GRWD1: variants seen among roughly 807,000 people sequenced by gnomAD.
The protein encoded by GRWD1 is glutamate-rich WD repeat-containing protein 1.
A neutral mutation model predicts 45.3 loss-of-function variants in GRWD1; 29 were observed. That is an observed-to-expected ratio of 0.64 (90% CI 0.48 to 0.87). The LOEUF (loss-of-function observed/expected upper bound fraction) is 0.87. Ranked by LOEUF, GRWD1 falls within the 40% of genes least tolerant of loss-of-function variation. GRWD1 has a pLI of 0.00. For synonymous variants in GRWD1, 262 were observed against 257.6 expected (o/e 1.02, Z -0.16); for missense variants, 592 against 618.8 (o/e 0.96, Z 0.46).
chr19:48,446,394 G>A lies in GRWD1; in HGVS notation c.197G>A (p.Cys66Tyr). 1.2e-6 allele frequency: 2 copies of A among 1,614,110 alleles called. No homozygotes were observed. The highest frequency in any genetic ancestry group is 1.7e-6 in the Non-Finnish European group (2 of 1,179,978). ...LYHRAQTGAP[C>Y]LSFDIVRDHL... ...CGCCTTCCATCCCCAGGCGCCCCCT[G>A]TCTCAGCTTTGACATAGTCCGGGAT... Residue 66 changes from cysteine (C) to tyrosine (Y), a missense_variant, in exon 2 of 7, where the codon TGT (cysteine) becomes TAT (tyrosine). Physicochemically the swap from Cys to Tyr is radical, Grantham distance 194. Transcript: ENST00000253237.
Position 48,446,062 on chromosome 19 carries a change from C to A in GRWD1, c.57C>A (p.Ala19=). 1 of 1,596,928 alleles carries A rather than the reference C, an allele frequency of 6.3e-7. No homozygotes were observed. Among genetic ancestry groups the A allele is most frequent in the South Asian group, 1.1e-5 (1 of 88,308 alleles). The change falls in exon 1 of 7, where the codon GCC becomes GCA. Residue 19 remains alanine (A), a synonymous_variant. Coordinates refer to ENST00000253237, the MANE Select transcript of GRWD1 (RefSeq NM_031485.4). ...GTGAAACCGGGGAACCCATGGAAGC[C>A]GAGTCCGGCGACACAAGTTCCGAGG... ...RTCETGEPME[A]ESGDTSSEGP...
At position 48,453,351 on chromosome 19, in the gene GRWD1, T is replaced by G. The variant is rs949218405; in HGVS notation, c.*326T>G. 1.6e-5 allele frequency: 4 copies of G among 242,500 alleles called. No homozygotes were observed. Among genetic ancestry groups the G allele is most frequent in the Non-Finnish European group, 3.2e-5 (4 of 126,000 alleles). 15.0% of individuals were successfully genotyped at this position (242,500 alleles called of 1,614,324 possible). On this transcript the variant is annotated 3_prime_UTR_variant, in exon 7 of 7. Transcript: ENST00000253237. ...CCCAGAACCCAGTTTTTTGTTTGTT[T>G]GTTTGAGACGGAGTCTTGGTCTGTC...
intron 3 of GRWD1, among the ~76,000 whole-genome samples, chr19:48,448,203 C>T (rs999385205): frequency 7.9e-5 from 12 of 152,154 alleles, no homozygotes; most frequent in Admixed American, 1.3e-4. Flanking sequence ...TGCCCACCTT[C>T]GCCCCCAAAA....
chr19:48,450,607 A>G lies in GRWD1; in HGVS notation c.683-59A>G. The G allele has an allele frequency of 3.7e-6, 6 of 1,609,966 alleles. No individual in the cohort carries two copies. In the South Asian group the frequency reaches 6.6e-5, roughly 18 times the overall value. On this transcript the variant is annotated intron_variant, in intron 4 of 6. Transcript: ENST00000253237. This position sits in a 1 kb window ranked among gnomAD's most constrained non-coding sequence, Gnocchi z 5.1. Reference sequence around the variant, plus strand: ...CAAGGGGCCGGGCGCTTAGACTCCAAGGAGGGGAGCGAGCTGCGGCCAGGT... The same window carrying G: ...CAAGGGGCCGGGCGCTTAGACTCCAGGGAGGGGAGCGAGCTGCGGCCAGGT...
chr19:48,453,020 G>A lies in GRWD1; in HGVS notation c.1336G>A (p.Val446Ile), dbSNP rs371830640. ...CTTCACCATCTTCCGCACCATCAGC[G>A]TCTGAGGCGTCCCACTGGCTCTGAT... Reference protein sequence around the residue: ...SGFTIFRTISV With the variant: ...SGFTIFRTISI The change falls in exon 7 of 7, where the codon GTC becomes ATC. Residue 446 changes from valine (V) to isoleucine (I), a missense_variant. Val to Ile is a conservative substitution (Grantham distance 29). Coordinates refer to ENST00000253237, the MANE Select transcript of GRWD1 (RefSeq NM_031485.4). 110 of 1,577,404 alleles carry A rather than the reference G, an allele frequency of 7.0e-5. No homozygotes were observed. Among genetic ancestry groups the A allele is most frequent in the South Asian group, 5.7e-4 (50 of 88,294 alleles).
At chr19:48,446,531 GAGGCTC>G in intron 2 of GRWD1, 29 bp downstream of exon 2, 1 of 1,606,874 alleles carries the variant, frequency 6.2e-7, no homozygotes, top group East Asian at 2.2e-5. Flanking sequence ...CCAGGACCAG[GAGGCTC>G]AGTTTCCAGC....
rs1332277158 is a variant in GRWD1, at chr19:48,456,128, G to C, written c.*3103G>C. ...CCAGGTCCCTTCATCAAAGGGCTTT[G>C]GTGAGAGATGGGCAAGTGGGGGTGA... is the stretch of plus-strand genomic sequence containing the variant. On this transcript the variant is annotated 3_prime_UTR_variant, in exon 7 of 7. Transcript: ENST00000253237. 1 of 152,352 alleles carries C rather than the reference G, an allele frequency of 6.6e-6. No individual in the cohort carries two copies. Among genetic ancestry groups the C allele is most frequent in the Non-Finnish European group, 1.5e-5 (1 of 68,134 alleles). The allele number at this position is 152,352 out of a possible 1,614,324, so 9.4% of individuals were successfully genotyped here.
At chr19:48,446,931 GTTCT>G in intron 3 of GRWD1, 88 bp downstream of exon 3, 1 of 31,364 alleles carries the variant, frequency 3.2e-5, no homozygotes, top group South Asian at 4.3e-4. Flanking sequence ...ACCTCCTCAT[GTTCT>G]TTTTTTTTTT....
At position 48,446,146 on chromosome 19, in the gene GRWD1, G is replaced by T. The variant is rs746191977; in HGVS notation, c.141G>T (p.Leu47=). ...RGPPLREGEE[L]VMDEEAYVLY... is the part of the protein sequence containing the mutation. ...CGCCGCTACGCGAAGGGGAGGAGCTGGTCATGGACGAGGAGGCCTATGTGC... is the reference window on the plus strand; with the variant it reads ...CGCCGCTACGCGAAGGGGAGGAGCTTGTCATGGACGAGGAGGCCTATGTGC... The change falls in exon 1 of 7, where the codon CTG becomes CTT. Residue 47 remains leucine (L), a synonymous_variant. Coordinates refer to ENST00000253237, the MANE Select transcript of GRWD1 (RefSeq NM_031485.4). 6.2e-7 allele frequency: 1 copy of T among 1,607,770 alleles called. No homozygotes were observed. Among genetic ancestry groups the T allele is most frequent in the Non-Finnish European group, 8.5e-7 (1 of 1,178,350 alleles).
chr19:48,449,016 A>G (rs1366813153), intron 3 of GRWD1, among the ~76,000 whole-genome samples: 5 of 152,074 alleles, frequency 3.3e-5, no homozygotes, highest in African/African-American at 1.2e-4. Context: ...CTGTGGGGAG[A>G]CTTACGGTAT....
chr19:48,452,683 C>G lies in GRWD1; in HGVS notation c.1024-25C>G, dbSNP rs539216337. The G allele has an allele frequency of 1.6e-5, 25 of 1,534,186 alleles. No homozygotes were observed. The South Asian group carries it at 3.0e-4, about 18-fold the overall frequency. On this transcript the variant is annotated intron_variant, in intron 6 of 6. Transcript: ENST00000253237. The surrounding 1 kb of genome is among the most constrained non-coding windows in gnomAD (Gnocchi z 5.1). ...GAGTCAGGCTGAGGCATTCAGAGCC[C>G]GTTCCTCCCATCCTCTCCCTCTAGT...
Position 48,450,859 on chromosome 19 carries a change from G to C in GRWD1, c.825+51G>C. On this transcript the variant is annotated intron_variant, in intron 5 of 6. Transcript: ENST00000253237. The surrounding 1 kb of genome is among the most constrained non-coding windows in gnomAD (Gnocchi z 5.1). The stretch of plus-strand genomic sequence containing the variant: ...TTTAGTTCTGATGGATTCTAGGCCA[G>C]GGACCTAGAATCCTAGGTCTGAGGG... 6.4e-7 allele frequency: 1 copy of C among 1,561,426 alleles called. No individual in the cohort carries two copies. Among genetic ancestry groups the C allele is most frequent in the African/African-American group, 1.4e-5 (1 of 73,548 alleles).
In GRWD1 at chr19:48,450,703, C is replaced by G; in HGVS notation, c.720C>G (p.His240Gln). The change falls in exon 5 of 7, where the codon CAC (histidine) becomes CAG (glutamine). Residue 240 changes from histidine to glutamine, a missense_variant. His to Gln is a conservative substitution (Grantham distance 24). Coordinates refer to ENST00000253237, the MANE Select transcript of GRWD1 (RefSeq NM_031485.4). The surrounding 1 kb of genome is among the most constrained non-coding windows in gnomAD (Gnocchi z 5.1). ...CCGGTGACTGTCAAAAGAACATCCACCTCTGGACACCTACGGACGGCGGCT... is the reference window on the plus strand; with the variant it reads ...CCGGTGACTGTCAAAAGAACATCCAGCTCTGGACACCTACGGACGGCGGCT... ...LLTGDCQKNI[H>Q]LWTPTDGGSW... 1 of 1,614,078 alleles carries G rather than the reference C, an allele frequency of 6.2e-7. No individual in the cohort carries two copies. The highest frequency in any genetic ancestry group is 8.5e-7 in the Non-Finnish European group (1 of 1,180,038).
In GRWD1 at chr19:48,455,467, C is replaced by T. The variant is rs2147489344; in HGVS notation, c.*2442C>T. On this transcript the variant is annotated 3_prime_UTR_variant, in exon 7 of 7. Coordinates refer to ENST00000253237, the MANE Select transcript of GRWD1 (RefSeq NM_031485.4). ...GACACGAAGTTGAAGCACCTTAAGC[C>T]CTGTATCTCCTTTATATGGAAACAT... The T allele has an allele frequency of 6.6e-6, 1 of 152,256 alleles. No homozygotes were observed. The highest frequency in any genetic ancestry group is 2.1e-4 in the South Asian group (1 of 4,828). The allele number at this position is 152,256 out of a possible 1,614,324, so 9.4% of individuals were successfully genotyped here.
intron 3 of GRWD1, among the ~76,000 whole-genome samples, chr19:48,449,885 TA>T (rs1033468093): frequency 1.3e-5 from 2 of 152,058 alleles, no homozygotes; most frequent in Non-Finnish European, 2.9e-5. Flanking sequence ...AGGTCAGGGC[TA>T]GGGGTATTGG....
rs1166041200 is a variant in GRWD1, at chr19:48,450,908, G to A, written c.825+100G>A. ...GGAAAAGAGGGCTGGGAGCCTGACG[G>A]AGGTTTAGTTTCCAGGCCAAGTCAT... On this transcript the variant is annotated intron_variant, in intron 5 of 6. Transcript: ENST00000253237. The surrounding 1 kb of genome is among the most constrained non-coding windows in gnomAD (Gnocchi z 5.1). 4 of 1,507,134 alleles carry A rather than the reference G, an allele frequency of 2.7e-6. No homozygotes were observed. In the African/African-American group the frequency reaches 4.2e-5, roughly 16 times the overall value. 93.4% of individuals were successfully genotyped at this position (1,507,134 alleles called of 1,614,324 possible).
rs1259565140 is a variant in GRWD1, at chr19:48,456,037, C to T, written c.*3012C>T. 1 of 152,268 alleles carries T rather than the reference C, an allele frequency of 6.6e-6. No homozygotes were observed. The highest frequency in any genetic ancestry group is 1.5e-5 in the Non-Finnish European group (1 of 68,070). The allele number at this position is 152,268 out of a possible 1,614,324, so 9.4% of individuals were successfully genotyped here. A position where few individuals can be genotyped will look rare whatever the true frequency, so the allele number is the denominator to read the frequency against. ...GGAGGCTAGCTTTTGCCACTCCTCT[C>T]CCCACTGGCTGAGAGACCTGCGACA... On this transcript the variant is annotated 3_prime_UTR_variant, in exon 7 of 7. Transcript: ENST00000253237.
At position 48,450,996 on chromosome 19, in the gene GRWD1, G is replaced by A. The variant is rs754580099; in HGVS notation, c.826-38G>A. ...TGGCGCTTGGGCTTCACTGCGGGCT[G>A]GGGGGCATTGGGACCACTCAGACTC... is the stretch of plus-strand genomic sequence containing the variant. On this transcript the variant is annotated intron_variant, in intron 5 of 6. Coordinates refer to ENST00000253237, the MANE Select transcript of GRWD1 (RefSeq NM_031485.4). This position sits in a 1 kb window ranked among gnomAD's most constrained non-coding sequence, Gnocchi z 5.1. 11 of 1,589,122 alleles carry A rather than the reference G, an allele frequency of 6.9e-6. No individual in the cohort carries two copies. The highest frequency in any genetic ancestry group is 9.5e-6 in the Non-Finnish European group (11 of 1,163,032).
Position 48,450,439 on chromosome 19 carries a change from G to A in GRWD1, c.595G>A (p.Asp199Asn). 1.2e-6 allele frequency: 2 copies of A among 1,614,152 alleles called. No individual in the cohort carries two copies. Among genetic ancestry groups the A allele is most frequent in the Non-Finnish European group, 1.7e-6 (2 of 1,180,036 alleles). The stretch of plus-strand genomic sequence containing the variant: ...CCAGGCCCTGGCAGCCTTCCTCCGG[G>A]ATGAGCAGGCCCAAATGAAGCCCAT... ...EPQALAAFLR[D>N]EQAQMKPIFS... The change falls in exon 4 of 7, where the codon GAT becomes AAT. Residue 199 changes from aspartate to asparagine, a missense_variant. By Grantham distance (23) the Asp-to-Asn change is conservative. Coordinates refer to ENST00000253237, the MANE Select transcript of GRWD1 (RefSeq NM_031485.4). The surrounding 1 kb of genome is among the most constrained non-coding windows in gnomAD (Gnocchi z 5.1).
Sources: gnomAD v4.1 joint callset for allele counts (sites outside exome capture counted in the v4.1 genomes callset) on GRCh38, gnomAD v4.1.1 for gene constraint, Gnocchi (gnomAD v3.1) non-coding constraint, MANE v1.5 for transcripts, NCBI Gene and HGNC (gene_info 2026-07-23, HGNC 2026-07-21) for gene names.